Variants in SEPTIN7 observed in about 807,000 individuals in gnomAD.
The protein encoded by SEPTIN7 is septin-7.
In SEPTIN7, 10 loss-of-function variants were observed where a neutral mutation model predicts 63.3. That is an observed-to-expected ratio of 0.16 (90% CI 0.10 to 0.27). SEPTIN7 has a LOEUF of 0.27. Ranked by LOEUF, SEPTIN7 falls within the 10% of genes least tolerant of loss-of-function variation. The probability of loss-of-function intolerance (pLI) is 1.00; values close to 1 mark genes in which losing one functional copy is unlikely to be tolerated. For synonymous variants in SEPTIN7, 131 were observed against 165.3 expected (o/e 0.79, Z 1.59); for missense variants, 310 against 521.0 (o/e 0.59, Z 3.94).
chr7:35,881,916 G>A (rs1168464035), intron 7 of SEPTIN7, among the ~76,000 whole-genome samples: 1 of 151,912 alleles, frequency 6.6e-6, no homozygotes, highest in African/African-American at 2.4e-5. Flanking sequence ...TCTAGGATGT[G>A]TTTTCTCCCT....
rs542570296 is a variant in SEPTIN7 at position 35,871,540 on chromosome 7, C to T, written c.277-1126C>T. On this transcript the variant is annotated intron_variant, in intron 4 of 13. Transcript: ENST00000350320. ...GATTTGGAGATGCAGTGTGGATACACAACAATTCCATCATCTCAGAAAGTG... is the reference window on the plus strand; with the variant it reads ...GATTTGGAGATGCAGTGTGGATACATAACAATTCCATCATCTCAGAAAGTG... 1.7e-4 allele frequency among the ~76,000 whole-genome samples: 26 copies of T among 152,304 alleles called. 1 individual carries two copies. In the South Asian group the frequency reaches 5.4e-3, roughly 32 times the overall value.
At chr7:35,867,662 T>A (rs1785893529) in intron 4 of SEPTIN7, among the ~76,000 whole-genome samples, 1 of 152,132 alleles carries the variant, frequency 6.6e-6, no homozygotes. Context: ...CATTTGAAAA[T>A]TTTTAAATCA....
intron 1 of SEPTIN7, among the ~76,000 whole-genome samples, chr7:35,823,837 C>A (rs886357940): frequency 6.6e-6 from 1 of 152,102 alleles, no homozygotes; most frequent in Non-Finnish European, 1.5e-5. Flanking sequence ...ATCTTTACTT[C>A]TTAAAATCCC....
chr7:35,845,662 T>A (rs1784623497), intron 3 of SEPTIN7, among the ~76,000 whole-genome samples: 1 of 152,190 alleles, frequency 6.6e-6, no homozygotes, highest in African/African-American at 2.4e-5. Flanking sequence ...GTGCTCAAGT[T>A]TTTTATGTGA....
intron 1 of SEPTIN7, among the ~76,000 whole-genome samples, chr7:35,816,418 AT>A (rs1388232125): frequency 6.6e-6 from 1 of 152,080 alleles, no homozygotes; most frequent in Non-Finnish European, 1.5e-5. Context: ...ACTTCATTCC[AT>A]TTTATTGCTG....
chr7:35,888,614 G>T (rs2116320503), intron 10 of SEPTIN7, among the ~76,000 whole-genome samples: 1 of 152,184 alleles, frequency 6.6e-6, no homozygotes, highest in Middle Eastern at 3.4e-3. Flanking sequence ...GAGCTCAGGA[G>T]TTCAAGACTG....
At chr7:35,868,821 AT>A (rs1258324543) in intron 4 of SEPTIN7, among the ~76,000 whole-genome samples, 3 of 152,208 alleles carry the variant, frequency 2.0e-5, no homozygotes, top group African/African-American at 7.2e-5. Context: ...ATATTGAGAA[AT>A]TAGCTTTAGG....
intron 9 of SEPTIN7, among the ~76,000 whole-genome samples, chr7:35,884,385 A>T (rs1787093938): frequency 6.6e-6 from 1 of 152,192 alleles, no homozygotes; most frequent in African/African-American, 2.4e-5. Context: ...GATATTCCAA[A>T]ATTCCAAAAA....
At chr7:35,834,655 T>G (rs1190906699) in intron 3 of SEPTIN7, among the ~76,000 whole-genome samples, 2 of 152,112 alleles carry the variant, frequency 1.3e-5, no homozygotes, top group Non-Finnish European at 2.9e-5. Flanking sequence ...ATATATTGAG[T>G]GCAGGTATTA....
chr7:35,845,013 T>C (rs1784587602), intron 3 of SEPTIN7, among the ~76,000 whole-genome samples: 1 of 152,102 alleles, frequency 6.6e-6, no homozygotes, highest in African/African-American at 2.4e-5. Flanking sequence ...TGCTTGAGCC[T>C]AGGGGTTCGA....
At chr7:35,847,029 C>T (rs1784706795) in intron 3 of SEPTIN7, 1 of 162,312 alleles carries the variant, frequency 6.2e-6, no homozygotes, top group Non-Finnish European at 1.4e-5. Flanking sequence ...GCCAGTGCTC[C>T]AGCTGCTCAG....
At chr7:35,876,820 T>C (rs1257792847) in intron 6 of SEPTIN7, among the ~76,000 whole-genome samples, 2 of 151,936 alleles carry the variant, frequency 1.3e-5, no homozygotes, top group Non-Finnish European at 2.9e-5. Context: ...AATACAAAAA[T>C]TAGCCAGGCT....
intron 4 of SEPTIN7, among the ~76,000 whole-genome samples, chr7:35,867,163 T>A (rs980434740): frequency 6.6e-6 from 1 of 152,086 alleles, no homozygotes; most frequent in African/African-American, 2.4e-5. Flanking sequence ...CTTATATATA[T>A]ATTTTTCCAA....
chr7:35,834,939 A>G (rs551596412), intron 3 of SEPTIN7, among the ~76,000 whole-genome samples: 11 of 152,234 alleles, frequency 7.2e-5, no homozygotes, highest in Admixed American at 2.0e-4. Context: ...CAACTTACAC[A>G]TTGATATCAA....
Position 35,873,580 on chromosome 7 carries a change from A to G in SEPTIN7, c.378-61A>G, listed in dbSNP as rs1786290589. ...TGAAAATACTGATTATTGTCCTTTAACAGTCATCAGTTAATTCATATGTAG... is the reference window on the plus strand; with the variant it reads ...TGAAAATACTGATTATTGTCCTTTAGCAGTCATCAGTTAATTCATATGTAG... On this transcript the variant is annotated intron_variant, in intron 5 of 13. Coordinates refer to ENST00000350320, the MANE Select transcript of SEPTIN7 (RefSeq NM_001788.6). The G allele has an allele frequency of 3.3e-6, 5 of 1,526,766 alleles. No homozygotes were observed. The East Asian group carries it at 1.2e-4, about 36-fold the overall frequency. 94.6% of individuals were successfully genotyped at this position (1,526,766 alleles called of 1,614,324 possible).
chr7:35,885,929 A>G, intron 10 of SEPTIN7, 50 bp downstream of exon 10: 1 of 1,304,716 alleles, frequency 7.7e-7, no homozygotes, highest in Non-Finnish European at 1.1e-6. Flanking sequence ...TTCCCTAAGT[A>G]AGAGTTGGAC....
intron 1 of SEPTIN7, among the ~76,000 whole-genome samples, chr7:35,816,206 A>G (rs1789049032): frequency 1.3e-5 from 2 of 152,156 alleles, no homozygotes; most frequent in African/African-American, 4.8e-5. Context: ...CCCCAAATGA[A>G]ACTTTGCAGC....
chr7:35,802,979 A>G (rs1032331174), intron 1 of SEPTIN7, among the ~76,000 whole-genome samples: 2 of 152,254 alleles, frequency 1.3e-5, no homozygotes, highest in Non-Finnish European at 2.9e-5. Flanking sequence ...ATGATGGGAC[A>G]ACATGATGGA....
intron 4 of SEPTIN7, among the ~76,000 whole-genome samples, chr7:35,866,430 T>G (rs2116174629): frequency 6.6e-6 from 1 of 152,288 alleles, no homozygotes; most frequent in Non-Finnish European, 1.5e-5. Context: ...CCAGACATAT[T>G]AGACTGGTAA....
Sources: gnomAD v4.1 joint callset for allele counts (sites outside exome capture counted in the v4.1 genomes callset) on GRCh38, gnomAD v4.1.1 for gene constraint, MANE v1.5 for transcripts, NCBI Gene and HGNC (gene_info 2026-07-23, HGNC 2026-07-21) for gene names.